MS4A10: variants seen among roughly 807,000 people sequenced by gnomAD.
MS4A10 encodes the protein membrane spanning 4-domains A10, also known as membrane-spanning 4-domains subfamily A member 10.
A neutral mutation model predicts 27.7 loss-of-function variants in MS4A10; 27 were observed. That is an observed-to-expected ratio of 0.98 (90% CI 0.72 to 1.35). The LOEUF is 1.35. MS4A10 is among the 40% of genes most tolerant of loss of function. The probability of loss-of-function intolerance (pLI) is 0.00; values close to 1 mark genes in which losing one functional copy is unlikely to be tolerated. For synonymous variants in MS4A10, 139 were observed against 131.2 expected (o/e 1.06, Z -0.41); for missense variants, 338 against 324.7 (o/e 1.04, Z -0.32).
At chr11:60,793,376 G>T (rs1029550847) in intron 4 of MS4A10, among the ~76,000 whole-genome samples, 6 of 152,240 alleles carry the variant, frequency 3.9e-5, no homozygotes, top group African/African-American at 1.4e-4. Context: ...AGTATAAAAG[G>T]CTACAGATTC....
chr11:60,795,546 C>T lies in MS4A10; in HGVS notation c.493-9C>T. 6.6e-7 allele frequency: 1 copy of T among 1,525,932 alleles called. No homozygotes were observed. The highest frequency in any genetic ancestry group is 8.8e-7 in the Non-Finnish European group (1 of 1,135,782). 94.5% of individuals were successfully genotyped at this position (1,525,932 alleles called of 1,614,324 possible). On this transcript the variant is annotated splice_polypyrimidine_tract_variant and intron_variant, in intron 5 of 7. Transcript: ENST00000308287. Reference sequence around the variant, plus strand: ...CCTCACCCTGCCTTCCTTCCCTCTACCCTCTCAGGTCCACATCCAGAGGCT... The same window carrying T: ...CCTCACCCTGCCTTCCTTCCCTCTATCCTCTCAGGTCCACATCCAGAGGCT...
Position 60,800,435 on chromosome 11 carries a change from GC to G in MS4A10, c.*528del, listed in dbSNP as rs1425766244. On this transcript the variant is annotated 3_prime_UTR_variant, in exon 8 of 8. Transcript: ENST00000308287. ...CAAAGTGCTGGGATTACAGGCGTGA[GC>G]CACTGTGCCCAGCCCAGGTTTTGAA... The G allele has an allele frequency of 1.3e-5, 2 of 155,626 alleles. No homozygotes were observed. Among genetic ancestry groups the G allele is most frequent in the African/African-American group, 4.8e-5 (2 of 41,504 alleles). The allele number at this position is 155,626 out of a possible 1,614,324, so 9.6% of individuals were successfully genotyped here.
intron 4 of MS4A10, among the ~76,000 whole-genome samples, chr11:60,793,274 ACCC>A (rs1189686208): frequency 6.6e-6 from 1 of 151,766 alleles, no homozygotes; most frequent in Non-Finnish European, 1.5e-5. Context: ...CCCAGACCTC[ACCC>A]TCCTGGGCTG....
chr11:60,795,702 A>C (rs1335759656), intron 6 of MS4A10, 37 bp downstream of exon 6: 1 of 1,381,610 alleles, frequency 7.2e-7, no homozygotes, highest in South Asian at 1.5e-5. Context: ...AAGACAAAAA[A>C]TGGGGGCATG....
chr11:60,787,175 C>A (rs1470994043), intron 1 of MS4A10, among the ~76,000 whole-genome samples: 1 of 152,110 alleles, frequency 6.6e-6, no homozygotes, highest in African/African-American at 2.4e-5. Flanking sequence ...CCGTGGGATA[C>A]CAAGCTGGCT....
chr11:60,797,906 G>A (rs906113604), intron 6 of MS4A10, among the ~76,000 whole-genome samples: 2 of 152,230 alleles, frequency 1.3e-5, no homozygotes, highest in Admixed American at 6.5e-5. Flanking sequence ...GTTCCCCAAT[G>A]GGCCCTGTGC....
At chr11:60,793,245 G>C (rs1854461634) in intron 4 of MS4A10, among the ~76,000 whole-genome samples, 1 of 152,198 alleles carries the variant, frequency 6.6e-6, no homozygotes, top group East Asian at 1.9e-4. Flanking sequence ...GGAGATGCTT[G>C]ACAAAGACGT....
chr11:60,790,585 T>TG (rs1854414199), intron 2 of MS4A10, 67 bp downstream of exon 2: 1 of 1,564,412 alleles, frequency 6.4e-7, no homozygotes, highest in Admixed American at 1.9e-5. Flanking sequence ...AGGAGGATGC[T>TG]GGGGGGCCCC....
intron 7 of MS4A10, 56 bp downstream of exon 7, chr11:60,798,570 C>T: frequency 7.4e-7 from 1 of 1,348,586 alleles, no homozygotes; most frequent in African/African-American, 1.4e-5. Context: ...TTGGCCCCTT[C>T]TCCCTGGCAT....
Position 60,793,999 on chromosome 11 carries a change from A to G in MS4A10, c.388A>G (p.Ile130Val), listed in dbSNP as rs1262117468. Residue 130 changes from isoleucine to valine, a missense_variant, in exon 5 of 8, where the codon ATC becomes GTC. By Grantham distance (29) the Ile-to-Val change is conservative. Transcript: ENST00000308287. Reference protein sequence around the residue: ...LKMLCLMTNLISLFCVLSGLF... With the variant: ...LKMLCLMTNLVSLFCVLSGLF... ...GATGTTGTGCCTGATGACAAACCTC[A>G]TCAGCCTCTTTTGCGTGCTGTCTGG... 4.3e-6 allele frequency: 7 copies of G among 1,613,978 alleles called. No individual in the cohort carries two copies. The Admixed American group carries it at 1.2e-4, about 27-fold the overall frequency.
At chr11:60,795,825 G>A (rs1341975942) in intron 6 of MS4A10, among the ~76,000 whole-genome samples, 160 bp downstream of exon 6, 4 of 152,140 alleles carry the variant, frequency 2.6e-5, no homozygotes, top group Non-Finnish European at 4.4e-5. Flanking sequence ...GATCCAGTAG[G>A]GGAGCCAAGG....
intron 1 of MS4A10, among the ~76,000 whole-genome samples, chr11:60,789,415 C>A (rs1473191243): frequency 1.3e-5 from 2 of 152,316 alleles, no homozygotes; most frequent in South Asian, 2.1e-4. Flanking sequence ...CTAGTGCATC[C>A]CACGGCGTCA....
intron 1 of MS4A10, among the ~76,000 whole-genome samples, 172 bp from the exon 2 acceptor site, chr11:60,790,142 G>A (rs1854403974): frequency 6.6e-6 from 1 of 152,324 alleles, no homozygotes; most frequent in Admixed American, 6.5e-5. Flanking sequence ...CCCATCTCCA[G>A]GGGCCAGATT....
At position 60,791,041 on chromosome 11, in the gene MS4A10, A is replaced by C. The variant is rs1311947076; in HGVS notation, c.251A>C (p.Asn84Thr). The change falls in exon 3 of 8, where the codon AAC (asparagine) becomes ACC (threonine). Residue 84 changes from asparagine to threonine, a missense_variant. Asn to Thr is a moderately conservative substitution (Grantham distance 65, BLOSUM62 0). Coordinates refer to ENST00000308287, the MANE Select transcript of MS4A10 (RefSeq NM_206893.4). ...FGGYLASIVK[N>T]LHLVVLKSWY... is the part of the protein sequence containing the mutation. ...GGCTACCTGGCCTCTATAGTCAAGAACCTTCACCTGGTGGTGCTGAAGTCT... is the reference window on the plus strand; with the variant it reads ...GGCTACCTGGCCTCTATAGTCAAGACCCTTCACCTGGTGGTGCTGAAGTCT... The C allele has an allele frequency of 1.2e-6, 2 of 1,614,114 alleles. No individual in the cohort carries two copies. The highest frequency in any genetic ancestry group is 1.7e-6 in the Non-Finnish European group (2 of 1,180,012).
chr11:60,792,157 A>T lies in MS4A10; in HGVS notation c.304-108A>T. On this transcript the variant is annotated intron_variant, in intron 3 of 7. Coordinates refer to ENST00000308287, the MANE Select transcript of MS4A10 (RefSeq NM_206893.4). ...CTGGAGGAATAGTATTCCCTGCCCC[A>T]CTGGCCGCCAAGGGTTGATTTTCTT... is the stretch of plus-strand genomic sequence containing the variant. 3 of 844,996 alleles carry T rather than the reference A, an allele frequency of 3.6e-6. No homozygotes were observed. The East Asian group carries it at 7.4e-5, about 21-fold the overall frequency. 52.3% of individuals were successfully genotyped at this position (844,996 alleles called of 1,614,324 possible).
At chr11:60,786,012 A>C (rs1037399861) in intron 1 of MS4A10, among the ~76,000 whole-genome samples, 2 of 152,036 alleles carry the variant, frequency 1.3e-5, no homozygotes, top group Non-Finnish European at 2.9e-5. Context: ...GTACAGTCGT[A>C]GGTGGTTTTC....
At chr11:60,786,447 C>T (rs947649571) in intron 1 of MS4A10, among the ~76,000 whole-genome samples, 4 of 152,120 alleles carry the variant, frequency 2.6e-5, no homozygotes, top group African/African-American at 7.2e-5. Flanking sequence ...TCTTCCCTCA[C>T]GACCCCCTAC....
intron 6 of MS4A10, among the ~76,000 whole-genome samples, chr11:60,796,196 T>TGATGGAGG (rs1854529151): frequency 6.6e-6 from 1 of 151,580 alleles, no homozygotes; most frequent in Non-Finnish European, 1.5e-5. Flanking sequence ...ATGCATCCAT[T>TGATGGAGG]GATGGATGGA....
chr11:60,785,516 C>G (rs1171600268), intron 1 of MS4A10, 95 bp downstream of exon 1: 1 of 152,218 alleles, frequency 6.6e-6, no homozygotes, highest in Non-Finnish European at 1.5e-5. Flanking sequence ...CTGGTCCCCC[C>G]TTGAAGCCAG....
Sources: allele counts gnomAD v4.1 joint callset (sites outside exome capture counted in the v4.1 genomes callset), GRCh38; gene constraint gnomAD v4.1.1; transcripts MANE v1.5; gene names NCBI Gene and HGNC (gene_info 2026-07-23, HGNC 2026-07-21).